XKR6: variants seen among roughly 807,000 people sequenced by gnomAD.
XKR6 encodes XK-related protein 6.
XKR6 carries 22 observed loss-of-function variants against 56.7 expected under a neutral mutation model. The ratio of observed to expected loss-of-function variants is 0.39; its 90% confidence interval spans 0.28 to 0.55. The LOEUF (loss-of-function observed/expected upper bound fraction) is 0.55, where lower values mean the gene tolerates loss of function less well. XKR6 is among the 20% of genes least tolerant of loss of function. The probability of loss-of-function intolerance (pLI) is 0.66; values close to 1 mark genes in which losing one functional copy is unlikely to be tolerated. For synonymous variants in XKR6, 524 were observed against 387.8 expected, an observed-to-expected ratio of 1.35 and a Z score of -4.13; for missense variants, 852 against 889.0, an observed-to-expected ratio of 0.96 and a Z score of 0.53.
At chr8:11,158,247 C>T (rs985842804) in intron 1 of XKR6, among the ~76,000 whole-genome samples, 4 of 151,952 alleles carry the variant, frequency 2.6e-5, no homozygotes, top group East Asian at 1.9e-4. Flanking sequence ...ACGGTCTGAG[C>T]GAGATTATTA....
chr8:11,055,534 C>A (rs533979900), intron 1 of XKR6, among the ~76,000 whole-genome samples: 1 of 152,160 alleles, frequency 6.6e-6, no homozygotes, highest in South Asian at 2.1e-4. Flanking sequence ...CTGCAGGGAG[C>A]GGCATGGGGT....
intron 1 of XKR6, among the ~76,000 whole-genome samples, chr8:11,052,674 G>A (rs926281281): frequency 6.6e-6 from 1 of 152,044 alleles, no homozygotes; most frequent in African/African-American, 2.4e-5. Context: ...CCCGCACCTT[G>A]AGTTAAAGCT....
At chr8:11,179,862 C>T (rs1049466898) in intron 1 of XKR6, among the ~76,000 whole-genome samples, 1 of 152,124 alleles carries the variant, frequency 6.6e-6, no homozygotes, top group Admixed American at 6.5e-5. Flanking sequence ...GCCCGGCACA[C>T]TGGCTCATGC....
intron 1 of XKR6, among the ~76,000 whole-genome samples, chr8:10,974,330 C>T (rs1802491688): frequency 6.6e-6 from 1 of 152,220 alleles, no homozygotes; most frequent in African/African-American, 2.4e-5. Context: ...AGGTGAAGAG[C>T]ACCTTGGCCA....
chr8:10,996,922 T>C (rs974704234), intron 1 of XKR6, among the ~76,000 whole-genome samples: 4 of 152,120 alleles, frequency 2.6e-5, no homozygotes, highest in African/African-American at 9.7e-5. Context: ...TGAGCTATGA[T>C]GGCTCCACTG....
At chr8:10,985,680 TCCCACAG>T (rs1797846646) in intron 1 of XKR6, among the ~76,000 whole-genome samples, 1 of 152,122 alleles carries the variant, frequency 6.6e-6, no homozygotes, top group Non-Finnish European at 1.5e-5. Context: ...CATAAAACTT[TCCCACAG>T]CCTTGAGATC....
intron 1 of XKR6, among the ~76,000 whole-genome samples, chr8:11,020,393 C>G (rs1218257801): frequency 6.6e-6 from 1 of 152,212 alleles, no homozygotes. Flanking sequence ...ATTCATTTGA[C>G]AAATAAGAAT....
intron 1 of XKR6, among the ~76,000 whole-genome samples, chr8:10,961,306 T>A (rs1031628579): frequency 2.0e-5 from 3 of 152,224 alleles, no homozygotes; most frequent in African/African-American, 7.2e-5. Context: ...GGCAGCCAGT[T>A]GCTGACTGGC....
rs77666811 is a variant in XKR6 at position 11,127,880 on chromosome 8, G to A, written c.764+72696C>T. 8.4e-3 allele frequency among the ~76,000 whole-genome samples: 1,282 copies of A among 152,296 alleles called. 9 individuals carry two copies. Among genetic ancestry groups the A allele is most frequent in the Non-Finnish European group, 0.013 (858 of 68,028 alleles). On this transcript the variant is annotated intron_variant, in intron 1 of 2. Transcript: ENST00000416569. ...AACACTGATTTGACGTTAACCAGTT[G>A]AAATTTAATGAAGCAATACGATTTT...
chr8:11,001,773 C>G (rs1373581010), intron 1 of XKR6, among the ~76,000 whole-genome samples: 1 of 152,226 alleles, frequency 6.6e-6, no homozygotes, highest in African/African-American at 2.4e-5. Context: ...CCTTCAGAAC[C>G]TACCAGCCTC....
At chr8:11,006,396 A>G (rs571352739) in intron 1 of XKR6, among the ~76,000 whole-genome samples, 3 of 152,254 alleles carry the variant, frequency 2.0e-5, no homozygotes, top group South Asian at 4.1e-4. Context: ...CACAATTGTC[A>G]CTATCCATCC....
chr8:11,154,339 G>T (rs1801405267), intron 1 of XKR6, among the ~76,000 whole-genome samples: 1 of 152,192 alleles, frequency 6.6e-6, no homozygotes, highest in Admixed American at 6.5e-5. Context: ...TTCCTTGGTT[G>T]GCAACATTCC....
chr8:11,147,525 A>C (rs138116521), intron 1 of XKR6, among the ~76,000 whole-genome samples: 4,327 of 152,116 alleles, frequency 0.028, 186 homozygotes, highest in African/African-American at 0.098. Context: ...GTGTGGTGGC[A>C]CGTGCCTATA....
At chr8:10,934,793 A>T (rs1457081207) in intron 1 of XKR6, among the ~76,000 whole-genome samples, 17 of 149,324 alleles carry the variant, frequency 1.1e-4, no homozygotes, top group Non-Finnish European at 2.4e-4. Flanking sequence ...CTGCTGGATT[A>T]GGTTTGCCAG....
At chr8:11,017,694 G>A (rs893166024) in intron 1 of XKR6, among the ~76,000 whole-genome samples, 1 of 152,206 alleles carries the variant, frequency 6.6e-6, no homozygotes, top group African/African-American at 2.4e-5. Flanking sequence ...AGGGGTGCTG[G>A]GAAACACGAG....
chr8:10,928,694 G>A (rs1586316972), intron 1 of XKR6, among the ~76,000 whole-genome samples: 2 of 146,560 alleles, frequency 1.4e-5, no homozygotes, highest in African/African-American at 5.5e-5. Flanking sequence ...TTCTGCCAGG[G>A]CGCGGAGTGC....
chr8:11,022,804 C>T (rs983198301), intron 1 of XKR6, among the ~76,000 whole-genome samples: 1 of 152,196 alleles, frequency 6.6e-6, no homozygotes, highest in Non-Finnish European at 1.5e-5. Flanking sequence ...ACTACAAAAG[C>T]AGAGAAATAT....
At chr8:11,079,751 G>T (rs1337051261) in intron 1 of XKR6, among the ~76,000 whole-genome samples, 5 of 152,196 alleles carry the variant, frequency 3.3e-5, no homozygotes, top group Admixed American at 3.3e-4. Flanking sequence ...CTTAAGGCCA[G>T]GAGTTTGAGA....
intron 1 of XKR6, among the ~76,000 whole-genome samples, chr8:11,130,425 G>C (rs775834317): frequency 2.0e-5 from 3 of 152,066 alleles, no homozygotes; most frequent in Admixed American, 6.6e-5. Context: ...ACGCTCCTTG[G>C]AACCATCAGG....
Sources: allele counts gnomAD v4.1 joint callset (sites outside exome capture counted in the v4.1 genomes callset), GRCh38; gene constraint gnomAD v4.1.1; transcripts MANE v1.5; gene names NCBI Gene and HGNC (gene_info 2026-07-23, HGNC 2026-07-21).